The following FBXL2 variants were observed in gnomAD, a reference collection of about 807,000 sequenced individuals.
The protein encoded by FBXL2 is F-box and leucine rich repeat protein 2.
A neutral mutation model predicts 69.2 loss-of-function variants in FBXL2; 38 were observed. The observed-to-expected ratio is 0.55, with a 90% CI of 0.42 to 0.72. The LOEUF (loss-of-function observed/expected upper bound fraction) is 0.72, where lower values mean the gene tolerates loss of function less well. Among genes scored for constraint, FBXL2 ranks in the 30% least tolerant of loss-of-function variants. FBXL2 has a pLI of 0.00. For missense variants in FBXL2, 354 were observed against 520.3 expected, an observed-to-expected ratio of 0.68 and a Z score of 3.11; for synonymous variants, 192 against 201.3, an observed-to-expected ratio of 0.95 and a Z score of 0.39.
At chr3:33,419,367 C>A in the FBXL2 span, among the ~76,000 whole-genome samples, 1 of 152,150 alleles carries the variant, frequency 6.6e-6, no homozygotes, top group African/African-American at 2.4e-5. Flanking sequence ...CAGTGGCTCA[C>A]AATTGTAATC....
chr3:33,380,770 G>A (rs1183607278), intron 13 of FBXL2, among the ~76,000 whole-genome samples: 1 of 152,098 alleles, frequency 6.6e-6, no homozygotes, highest in Non-Finnish European at 1.5e-5. Flanking sequence ...GACACCTGCT[G>A]ATGGCAATTA....
rs544568765 is a variant in FBXL2 at position 33,305,513 on chromosome 3, T to G, written c.65+7788T>G. 6.6e-5 allele frequency among the ~76,000 whole-genome samples: 10 copies of G among 152,002 alleles called. No individual in the cohort carries two copies. In the South Asian group the frequency reaches 2.1e-3, roughly 31 times the overall value. On this transcript the variant is annotated intron_variant, in intron 2 of 14. Transcript: ENST00000484457. ...TTTTGAGTGACCAGGGCCCACAAAT[T>G]TATTTCTCATACTATCTTTATCTGA...
At chr3:33,345,269 C>A (rs1046326564) in intron 2 of FBXL2, among the ~76,000 whole-genome samples, 1 of 152,156 alleles carries the variant, frequency 6.6e-6, no homozygotes, top group African/African-American at 2.4e-5. Flanking sequence ...TTGCCTCCTT[C>A]TCTTCTCAAG....
At chr3:33,413,222 A>C in the FBXL2 span, among the ~76,000 whole-genome samples, 2 of 152,190 alleles carry the variant, frequency 1.3e-5, no homozygotes, top group Non-Finnish European at 1.5e-5. Flanking sequence ...AACAATGGTA[A>C]AACTTTGTTA....
At chr3:33,303,009 G>C (rs1309773112) in intron 2 of FBXL2, 1 of 456,184 alleles carries the variant, frequency 2.2e-6, no homozygotes, top group Non-Finnish European at 4.4e-6. Flanking sequence ...AAGCAGTACA[G>C]TAAAGGGCTC....
At chr3:33,285,783 C>T (rs1470790891) in intron 1 of FBXL2, among the ~76,000 whole-genome samples, 1 of 152,096 alleles carries the variant, frequency 6.6e-6, no homozygotes, top group East Asian at 1.9e-4. Flanking sequence ...TCATTTCGTT[C>T]ATTTGATCTT....
chr3:33,394,516 A>G (rs950301683), intron 12 of FBXL2, among the ~76,000 whole-genome samples: 1 of 131,910 alleles, frequency 7.6e-6, no homozygotes, highest in African/African-American at 3.1e-5. Context: ...CCCCAGCCAC[A>G]TTCCAGTGTT....
intron 12 of FBXL2, chr3:33,397,586 A>C (rs2044054514): frequency 6.6e-6 from 1 of 152,530 alleles, no homozygotes; most frequent in Non-Finnish European, 1.5e-5. Context: ...AAAGTCTGTA[A>C]GAGTTGGTAG....
Position 33,346,858 on chromosome 3 carries a change from A to G in FBXL2, c.66-12109A>G, listed in dbSNP as rs150251462. Among the ~76,000 whole-genome samples the G allele has an allele frequency of 3.9e-3, 592 of 152,300 alleles. 3 individuals carry two copies. The highest frequency in any genetic ancestry group is 0.011 in the African/African-American group (467 of 41,556). On this transcript the variant is annotated intron_variant, in intron 2 of 14. Transcript: ENST00000484457. ...AAAATTTTGTGGATACACAGTAAGC[A>G]TATATATTTATGGGGTATATGAGAT...
At chr3:33,392,797 G>A (rs973317963), downstream of FBXL2, 1 of 565,884 alleles carries the variant, frequency 1.8e-6, no homozygotes, top group African/African-American at 1.9e-5. Flanking sequence ...TGTTCACTAT[G>A]CCTGTCCATA....
At chr3:33,366,162 A>G (rs889741559) in intron 5 of FBXL2, among the ~76,000 whole-genome samples, 15 of 152,194 alleles carry the variant, frequency 9.9e-5, no homozygotes, top group African/African-American at 3.4e-4. Context: ...ACAACCCTCC[A>G]TCACTCATAT....
chr3:33,368,482 T>C (rs980729426), intron 5 of FBXL2, among the ~76,000 whole-genome samples: 9 of 152,236 alleles, frequency 5.9e-5, no homozygotes, highest in Non-Finnish European at 1.2e-4. Context: ...TTGTCTGATA[T>C]AGTCATTCCA....
chr3:33,413,282 C>A, the FBXL2 span, among the ~76,000 whole-genome samples: 22 of 152,044 alleles, frequency 1.4e-4, no homozygotes, highest in Admixed American at 1.2e-3. Context: ...TGCGGTGGCT[C>A]ACACCTGTAA....
chr3:33,389,403 C>T (rs750333896), downstream of FBXL2: 8 of 151,452 alleles, frequency 5.3e-5, no homozygotes, highest in African/African-American at 7.3e-5. Flanking sequence ...AATACTTTCT[C>T]CCCCTACTTG....
chr3:33,378,824 C>T, intron 13 of FBXL2, 83 bp downstream of exon 13: 1 of 1,611,358 alleles, frequency 6.2e-7, no homozygotes, highest in African/African-American at 1.3e-5. Context: ...TTTGGGTTCT[C>T]TTTCTGTAAG....
chr3:33,384,864 C>T (rs941464306), intron 14 of FBXL2, among the ~76,000 whole-genome samples: 2 of 151,978 alleles, frequency 1.3e-5, no homozygotes, highest in African/African-American at 2.4e-5. Flanking sequence ...ATGGTGAAAC[C>T]GTCTCTACTA....
the FBXL2 span, among the ~76,000 whole-genome samples, chr3:33,419,020 C>T: frequency 1.3e-5 from 2 of 152,134 alleles, no homozygotes; most frequent in Admixed American, 6.6e-5. Flanking sequence ...CAAATTAAAA[C>T]CACACTGAAA....
chr3:33,363,583 T>C (rs1048547715), intron 4 of FBXL2, among the ~76,000 whole-genome samples: 8 of 152,252 alleles, frequency 5.3e-5, no homozygotes, highest in African/African-American at 1.9e-4. Context: ...CCTGGTGGAA[T>C]GACTCAGACC....
chr3:33,277,295 G>A (rs2033365161), upstream of FBXL2: 2 of 398,316 alleles, frequency 5.0e-6, no homozygotes, highest in Non-Finnish European at 8.8e-6. Flanking sequence ...CAGATACGAA[G>A]TGGGAGAGGC....
Sources: gnomAD v4.1 joint callset for allele counts (sites outside exome capture counted in the v4.1 genomes callset) on GRCh38, gnomAD v4.1.1 for gene constraint, MANE v1.5 for transcripts, NCBI Gene and HGNC (gene_info 2026-07-23, HGNC 2026-07-21) for gene names.